SHISA9: variants seen among roughly 807,000 people sequenced by gnomAD.
The protein encoded by SHISA9 is protein shisa-9.
A neutral mutation model predicts 38.0 loss-of-function variants in SHISA9; 13 were observed. The ratio of observed to expected loss-of-function variants is 0.34; its 90% confidence interval spans 0.22 to 0.54. The LOEUF (loss-of-function observed/expected upper bound fraction) is 0.54. Among genes scored for constraint, SHISA9 ranks in the 20% least tolerant of loss-of-function variants. The pLI, the probability that SHISA9 is intolerant of heterozygous loss-of-function variation, is 0.91. For missense variants in SHISA9, 538 were observed against 575.8 expected, an observed-to-expected ratio of 0.93 and a Z score of 0.67; for synonymous variants, 275 against 242.0, an observed-to-expected ratio of 1.14 and a Z score of -1.27.
chr16:13,454,973 A>G, the SHISA9 span, among the ~76,000 whole-genome samples: 1 of 152,028 alleles, frequency 6.6e-6, no homozygotes, highest in East Asian at 1.9e-4. Flanking sequence ...TCCTTGGCCA[A>G]TCTCACTATT....
In SHISA9 at chr16:13,214,944, T is replaced by C. The variant is rs530563418; in HGVS notation, c.895+1644T>C. 1.2e-3 allele frequency among the ~76,000 whole-genome samples: 182 copies of C among 151,968 alleles called. 1 individual carries two copies. Among genetic ancestry groups the C allele is most frequent in the African/African-American group, 4.2e-3 (174 of 41,334 alleles). On this transcript the variant is annotated intron_variant, in intron 4 of 4. Transcript: ENST00000558583. Reference sequence around the variant, plus strand: ...GGCACAGCCAAACCATATCAATAGTTGTGGCCATTTTTTTTTTGCCGTTTC... The same window carrying C: ...GGCACAGCCAAACCATATCAATAGTCGTGGCCATTTTTTTTTTGCCGTTTC...
At chr16:13,311,264 A>T in the SHISA9 span, among the ~76,000 whole-genome samples, 1 of 151,830 alleles carries the variant, frequency 6.6e-6, no homozygotes, top group East Asian at 1.9e-4. Flanking sequence ...TCTCGTATAT[A>T]TGTGTTTGAT....
At chr16:13,108,324 C>G (rs1316202185) in intron 2 of SHISA9, among the ~76,000 whole-genome samples, 1 of 152,098 alleles carries the variant, frequency 6.6e-6, no homozygotes, top group African/African-American at 2.4e-5. Context: ...GAGATAGGAT[C>G]TTGTTATGTT....
chr16:12,954,984 C>T (rs72782666), intron 2 of SHISA9, among the ~76,000 whole-genome samples: 29,359 of 151,968 alleles, frequency 0.19, 3,515 homozygotes, highest in Middle Eastern at 0.35. Context: ...TTGTGTTATT[C>T]CCTCACAATA....
the SHISA9 span, among the ~76,000 whole-genome samples, chr16:13,554,762 C>G: frequency 1.3e-5 from 2 of 152,248 alleles, no homozygotes; most frequent in African/African-American, 2.4e-5. Flanking sequence ...AAAGAGCCAC[C>G]GTGCCCAGTT....
At chr16:13,285,306 A>G in the SHISA9 span, among the ~76,000 whole-genome samples, 1 of 152,050 alleles carries the variant, frequency 6.6e-6, no homozygotes, top group Non-Finnish European at 1.5e-5. Flanking sequence ...ATTCATTCCA[A>G]TGTGTGGTAT....
intron 2 of SHISA9, among the ~76,000 whole-genome samples, chr16:13,192,797 C>T (rs2050898695): frequency 6.6e-6 from 1 of 152,040 alleles, no homozygotes; most frequent in Non-Finnish European, 1.5e-5. Context: ...ATCACTTAAA[C>T]CCCAGAGGTG....
chr16:13,518,037 G>A, the SHISA9 span, among the ~76,000 whole-genome samples: 1 of 152,130 alleles, frequency 6.6e-6, no homozygotes, highest in Non-Finnish European at 1.5e-5. Context: ...AAGCCAGTCT[G>A]GTGAATTGCG....
At chr16:13,022,425 G>A (rs757165972) in intron 2 of SHISA9, among the ~76,000 whole-genome samples, 1 of 151,842 alleles carries the variant, frequency 6.6e-6, no homozygotes, top group Non-Finnish European at 1.5e-5. Context: ...TCTGCCTCCC[G>A]GGTTCACGCG....
intron 4 of SHISA9, among the ~76,000 whole-genome samples, chr16:13,227,237 C>G (rs150800991): frequency 1.6e-4 from 24 of 152,132 alleles, no homozygotes; most frequent in African/African-American, 5.8e-4. Flanking sequence ...ACAAACAGCT[C>G]GAAGACTGCA....
the SHISA9 span, among the ~76,000 whole-genome samples, chr16:13,457,180 C>A: frequency 3.9e-5 from 6 of 152,314 alleles, no homozygotes; most frequent in South Asian, 2.1e-4. Flanking sequence ...GTGGCACATG[C>A]CTGTAAACTC....
chr16:13,055,010 C>T (rs2073294177), intron 2 of SHISA9, among the ~76,000 whole-genome samples: 1 of 152,156 alleles, frequency 6.6e-6, no homozygotes, highest in African/African-American at 2.4e-5. Flanking sequence ...ACCCCTTTGT[C>T]CTACAATCAC....
intron 2 of SHISA9, among the ~76,000 whole-genome samples, chr16:13,043,095 C>A (rs573648079): frequency 8.5e-5 from 13 of 152,248 alleles, no homozygotes; most frequent in Non-Finnish European, 1.8e-4. Flanking sequence ...ATGCTCTGCT[C>A]CATGCAGTCA....
the SHISA9 span, among the ~76,000 whole-genome samples, chr16:13,517,059 A>G: frequency 3.3e-5 from 5 of 152,308 alleles, no homozygotes; most frequent in East Asian, 1.9e-4. Flanking sequence ...TGCAGATATA[A>G]TTATTTCAGT....
At chr16:13,252,030 G>A in the SHISA9 span, among the ~76,000 whole-genome samples, 1 of 152,196 alleles carries the variant, frequency 6.6e-6, no homozygotes, top group Non-Finnish European at 1.5e-5. Flanking sequence ...TACACAGCAA[G>A]TTCCCTTAAG....
At position 13,093,890 on chromosome 16, in the gene SHISA9, C is replaced by A. The variant is rs543452754; in HGVS notation, c.692-109504C>A. On this transcript the variant is annotated intron_variant, in intron 2 of 4. Coordinates refer to ENST00000558583, the MANE Select transcript of SHISA9 (RefSeq NM_001145204.3). ...ATTCGCTCCTCTGGCAGAAGGGAGG[C>A]ACCATAGGATTTAAATAGGTGTGGC... Among the ~76,000 whole-genome samples the A allele has an allele frequency of 5.9e-5, 9 of 152,262 alleles. No individual in the cohort carries two copies. The South Asian group carries it at 1.9e-3, about 32-fold the overall frequency.
the SHISA9 span, among the ~76,000 whole-genome samples, chr16:13,278,411 T>G: frequency 1.3e-5 from 2 of 152,102 alleles, no homozygotes; most frequent in East Asian, 3.9e-4. Context: ...GTTTTGGTAT[T>G]AGGGTGACGT....
the SHISA9 span, among the ~76,000 whole-genome samples, chr16:13,396,297 A>C: frequency 1.3e-5 from 2 of 152,354 alleles, no homozygotes; most frequent in Admixed American, 1.3e-4. Context: ...ACTTGAGGTC[A>C]GGAGTTTGAG....
chr16:13,440,624 T>C, the SHISA9 span, among the ~76,000 whole-genome samples: 1 of 152,126 alleles, frequency 6.6e-6, no homozygotes, highest in African/African-American at 2.4e-5. Flanking sequence ...TGTGTGTGCT[T>C]TGATTAAAAA....
Sources: gnomAD v4.1 joint callset for allele counts (sites outside exome capture counted in the v4.1 genomes callset) on GRCh38, gnomAD v4.1.1 for gene constraint, MANE v1.5 for transcripts, NCBI Gene and HGNC (gene_info 2026-07-23, HGNC 2026-07-21) for gene names.